Variants in UTP18 observed in about 807,000 individuals in gnomAD.
UTP18 encodes UTP18 small subunit processome component.
A neutral mutation model predicts 61.1 loss-of-function variants in UTP18; 36 were observed. The ratio of observed to expected loss-of-function variants is 0.59; its 90% confidence interval spans 0.45 to 0.78. UTP18 has a LOEUF of 0.78. UTP18 is among the 30% of genes least tolerant of loss of function. The probability of loss-of-function intolerance (pLI) is 0.00; values close to 1 mark genes in which losing one functional copy is unlikely to be tolerated. For synonymous variants in UTP18, 282 were observed against 251.1 expected, an observed-to-expected ratio of 1.12 and a Z score of -1.16; for missense variants, 753 against 693.9, an observed-to-expected ratio of 1.09 and a Z score of -0.96.
At chr17:51,262,920 C>T (rs1037088648) in intron 1 of UTP18, among the ~76,000 whole-genome samples, 3 of 152,210 alleles carry the variant, frequency 2.0e-5, no homozygotes, top group African/African-American at 2.4e-5. Flanking sequence ...ATCTTTGACT[C>T]TAGTTTGCCT....
At chr17:51,286,535 T>C in intron 10 of UTP18, 1 of 456,240 alleles carries the variant, frequency 2.2e-6, no homozygotes, top group South Asian at 1.5e-5. Context: ...GTTTGCAAAT[T>C]GGAGTTTGGG....
At chr17:51,275,347 T>TGTGA (rs1331588463) in intron 5 of UTP18, among the ~76,000 whole-genome samples, 1 of 152,168 alleles carries the variant, frequency 6.6e-6, no homozygotes, top group Non-Finnish European at 1.5e-5. Flanking sequence ...AGGTGATGGA[T>TGTGA]GTGAGATTAC....
intron 5 of UTP18, among the ~76,000 whole-genome samples, chr17:51,274,556 C>T (rs897951010): frequency 6.6e-6 from 1 of 152,096 alleles, no homozygotes; most frequent in Non-Finnish European, 1.5e-5. Flanking sequence ...ATTCTCCTGC[C>T]TCAGCCACGC....
chr17:51,287,971 G>A, intron 10 of UTP18, 58 bp from the exon 11 acceptor site: 14 of 1,310,270 alleles, frequency 1.1e-5, no homozygotes, highest in Non-Finnish European at 1.4e-5. Context: ...TATTCACTTA[G>A]GTTGTGAAAG....
chr17:51,262,752 A>G (rs922565510), intron 1 of UTP18, among the ~76,000 whole-genome samples: 9 of 152,028 alleles, frequency 5.9e-5, no homozygotes, highest in African/African-American at 2.2e-4. Flanking sequence ...AGATCTCCCT[A>G]TGTTGCCCAG....
chr17:51,288,970 G>A (rs968504679), intron 11 of UTP18, among the ~76,000 whole-genome samples: 3 of 152,174 alleles, frequency 2.0e-5, no homozygotes, highest in Non-Finnish European at 4.4e-5. Flanking sequence ...GGTTTTTATT[G>A]GGACTTCATA....
chr17:51,269,839 T>TTG (rs58180688), intron 4 of UTP18, among the ~76,000 whole-genome samples: 54,292 of 137,368 alleles, frequency 0.4, 10,299 homozygotes, highest in East Asian at 0.59. Context: ...AAATAATGTA[T>TTG]TGTGTGTGTG....
intron 1 of UTP18, among the ~76,000 whole-genome samples, chr17:51,261,387 T>C (rs752935570): frequency 2.8e-4 from 42 of 152,262 alleles, no homozygotes; most frequent in Non-Finnish European, 6.2e-4. Flanking sequence ...GTTTTGAGAA[T>C]GATCGTGTAT....
intron 11 of UTP18, among the ~76,000 whole-genome samples, chr17:51,293,007 G>A (rs1905272246): frequency 6.6e-6 from 1 of 152,144 alleles, no homozygotes; most frequent in Non-Finnish European, 1.5e-5. Flanking sequence ...GAATATATGT[G>A]GTATGACTTT....
chr17:51,280,137 C>T (rs1183783717), intron 8 of UTP18, 32 bp downstream of exon 8: 1 of 1,583,406 alleles, frequency 6.3e-7, no homozygotes, highest in African/African-American at 1.3e-5. Context: ...TTGTTCTTCT[C>T]CCACAAGACA....
At chr17:51,274,072 A>T (rs897554560) in intron 5 of UTP18, among the ~76,000 whole-genome samples, 7 of 152,144 alleles carry the variant, frequency 4.6e-5, no homozygotes, top group African/African-American at 1.7e-4. Flanking sequence ...CTCATATCAG[A>T]CCTGTTTCCC....
intron 2 of UTP18, among the ~76,000 whole-genome samples, chr17:51,265,854 G>A (rs760049909): frequency 6.6e-6 from 1 of 152,136 alleles, no homozygotes; most frequent in Admixed American, 6.5e-5. Flanking sequence ...GAGCCACCAC[G>A]CTGGGCCTAA....
chr17:51,277,886 G>A (rs193044693), intron 7 of UTP18, among the ~76,000 whole-genome samples: 17 of 151,986 alleles, frequency 1.1e-4, no homozygotes, highest in South Asian at 2.1e-4. Flanking sequence ...AAAATACACC[G>A]ACACCTTCAT....
chr17:51,270,935 A>G (rs144638333), intron 4 of UTP18, among the ~76,000 whole-genome samples: 111 of 152,328 alleles, frequency 7.3e-4, no homozygotes, highest in Non-Finnish European at 4.9e-4. Context: ...TGTTGAAGGT[A>G]TACTTATTGT....
At chr17:51,274,930 G>T (rs1473669784) in intron 5 of UTP18, among the ~76,000 whole-genome samples, 1 of 150,854 alleles carries the variant, frequency 6.6e-6, no homozygotes, top group Non-Finnish European at 1.5e-5. Flanking sequence ...GGGCGCAGTG[G>T]CTCACGCCTG....
In UTP18 at chr17:51,260,907, G is replaced by A. The variant is rs777487232; in HGVS notation, c.323G>A (p.Arg108Gln). ...DVENDEDALL[R>Q]RLRGPRVQEH... ...GAGAACGACGAGGACGCGTTGCTGC[G>A]GCGTCTGCGAGGCCCGAGGGTGAGG... Residue 108 changes from arginine to glutamine, a missense_variant, in exon 1 of 14, where the codon CGG becomes CAG. Arg to Gln is a conservative substitution (Grantham distance 43). Coordinates refer to ENST00000225298, the MANE Select transcript of UTP18 (RefSeq NM_016001.3). The A allele has an allele frequency of 8.8e-6, 14 of 1,590,744 alleles. No individual in the cohort carries two copies. Among genetic ancestry groups the A allele is most frequent in the Non-Finnish European group, 1.2e-5 (14 of 1,170,302 alleles).
At chr17:51,296,578 T>C (rs1199355643) in intron 12 of UTP18, 1 of 162,714 alleles carries the variant, frequency 6.1e-6, no homozygotes, top group Non-Finnish European at 1.3e-5. Context: ...TCCTTTGGTA[T>C]TTTTATAAGT....
intron 11 of UTP18, 73 bp from the exon 12 acceptor site, chr17:51,293,830 G>C (rs1202016106): frequency 5.5e-6 from 7 of 1,267,692 alleles, no homozygotes; most frequent in Non-Finnish European, 7.3e-6. Flanking sequence ...CAGGAAGATA[G>C]AGTGAAGATT....
rs1598472667 is a variant in UTP18, at chr17:51,263,247, T to G, written c.343-27T>G. 4 of 1,597,780 alleles carry G rather than the reference T, an allele frequency of 2.5e-6. No homozygotes were observed. In the Admixed American group the frequency reaches 6.7e-5, roughly 27 times the overall value. The stretch of plus-strand genomic sequence containing the variant: ...CAGTCATGGGATAGGAAAATCTCAG[T>G]GCTTGAGGGTGTTTTGTCTGCTGTA... On this transcript the variant is annotated intron_variant, in intron 1 of 13. Coordinates refer to ENST00000225298, the MANE Select transcript of UTP18 (RefSeq NM_016001.3).
Sources: gnomAD v4.1 joint callset for allele counts (sites outside exome capture counted in the v4.1 genomes callset) on GRCh38, gnomAD v4.1.1 for gene constraint, MANE v1.5 for transcripts, NCBI Gene and HGNC (gene_info 2026-07-23, HGNC 2026-07-21) for gene names.